The following RASGEF1C variants were observed in gnomAD, a reference collection of about 807,000 sequenced individuals.
The protein encoded by RASGEF1C is RasGEF domain family member 1C.
In RASGEF1C, 27 loss-of-function variants were observed where a neutral mutation model predicts 58.1. The ratio of observed to expected loss-of-function variants is 0.46; its 90% CI spans 0.34 to 0.64. RASGEF1C has a LOEUF of 0.64. Among genes scored for constraint, RASGEF1C ranks in the 30% least tolerant of loss-of-function variants. The probability of loss-of-function intolerance (pLI) is 0.01; values close to 1 mark genes in which losing one functional copy is unlikely to be tolerated. For missense variants in RASGEF1C, 502 were observed against 605.1 expected (o/e 0.83, Z 1.79); for synonymous variants, 243 against 246.3 (o/e 0.99, Z 0.13).
chr5:180,132,315 G>A (rs1349475146), intron 4 of RASGEF1C, among the ~76,000 whole-genome samples: 3 of 152,222 alleles, frequency 2.0e-5, no homozygotes, highest in Non-Finnish European at 2.9e-5. Flanking sequence ...GTGTGAATGC[G>A]GAGTCGTCCG....
chr5:180,111,871 AT>A (rs1157095347), intron 11 of RASGEF1C, among the ~76,000 whole-genome samples: 7 of 152,242 alleles, frequency 4.6e-5, no homozygotes. Context: ...TTAAATAGGT[AT>A]ATTTAAGTAA....
At chr5:180,172,360 T>C (rs1345912838) in intron 1 of RASGEF1C, among the ~76,000 whole-genome samples, 1 of 152,112 alleles carries the variant, frequency 6.6e-6, no homozygotes, top group East Asian at 1.9e-4. Flanking sequence ...CCACCTGGCC[T>C]GGGATGCCCA....
rs941989091 is a variant in RASGEF1C, at chr5:180,168,358, G to A, written c.-6-30300C>T. Among the ~76,000 whole-genome samples the A allele has an allele frequency of 6.6e-6, 1 of 152,066 alleles. No homozygotes were observed. Among genetic ancestry groups the A allele is most frequent in the African/African-American group, 2.4e-5 (1 of 41,384 alleles). On this transcript the variant is annotated intron_variant, in intron 1 of 13. Coordinates refer to ENST00000361132, the MANE Select transcript of RASGEF1C (RefSeq NM_175062.4). This position sits in a 1 kb window ranked among gnomAD's most constrained non-coding sequence, Gnocchi z 6.0. ...TGAGGCAGGAGAATTGCTTGAACCCGGGAGGTGGCGGTTGCCATGAGCCGA... is the reference window on the plus strand; with the variant it reads ...TGAGGCAGGAGAATTGCTTGAACCCAGGAGGTGGCGGTTGCCATGAGCCGA...
rs973594438 is a variant in RASGEF1C, at chr5:180,190,789, C to G, written c.-7+18239G>C. ...ATAAATTGGAGTTAGGTAAAAATTC[C>G]TTAAACACCAAAACATGATTTTAAA... On this transcript the variant is annotated intron_variant, in intron 1 of 13. Coordinates refer to ENST00000361132, the MANE Select transcript of RASGEF1C (RefSeq NM_175062.4). Among the ~76,000 whole-genome samples, 4 of 151,886 alleles carry G rather than the reference C, an allele frequency of 2.6e-5. 1 individual carries two copies. The highest frequency in any genetic ancestry group is 5.9e-5 in the Non-Finnish European group (4 of 67,966).
intron 7 of RASGEF1C, among the ~76,000 whole-genome samples, chr5:180,120,496 C>G (rs1270738564): frequency 6.6e-6 from 1 of 152,128 alleles, no homozygotes; most frequent in African/African-American, 2.4e-5. Flanking sequence ...CCCTGGGCTT[C>G]AGCTCAAGGT....
rs1002816679 is a variant in RASGEF1C at position 180,115,465 on chromosome 5, C to T, written c.1084-924G>A. On this transcript the variant is annotated intron_variant, in intron 10 of 13. Coordinates refer to ENST00000361132, the MANE Select transcript of RASGEF1C (RefSeq NM_175062.4). Reference sequence around the variant, plus strand: ...GCTGCGGGCTGCGTGCAGGCCCCCCCAGACTCTTCACTCCTGACCTCATTG... The same window carrying T: ...GCTGCGGGCTGCGTGCAGGCCCCCCTAGACTCTTCACTCCTGACCTCATTG... The T allele has an allele frequency of 5.0e-5, 14 of 280,612 alleles. 1 individual carries two copies. The Admixed American group carries it at 5.3e-4, about 11-fold the overall frequency. 17.4% of individuals were successfully genotyped at this position (280,612 alleles called of 1,614,324 possible).
chr5:180,144,534 G>T (rs1368630716), intron 1 of RASGEF1C, among the ~76,000 whole-genome samples: 1 of 152,148 alleles, frequency 6.6e-6, no homozygotes. Flanking sequence ...AGCTACTTGG[G>T]AGGCTGAGAT....
At position 180,128,440 on chromosome 5, in the gene RASGEF1C, T is replaced by C. The variant is rs1046483211; in HGVS notation, c.609A>G (p.Thr203=). The C allele has an allele frequency of 6.2e-6, 10 of 1,613,790 alleles. No homozygotes were observed. Among genetic ancestry groups the C allele is most frequent in the Non-Finnish European group, 7.6e-6 (9 of 1,179,976 alleles). The change falls in exon 5 of 14, where the codon ACA becomes ACG. Residue 203 remains threonine (T), a synonymous_variant. Coordinates refer to ENST00000361132, the MANE Select transcript of RASGEF1C (RefSeq NM_175062.4). ...ELLGVCSDPY[T]LAQQLTHVEL... ...CCACGTGGGTCAGCTGCTGGGCCAG[T>C]GTGTAGGGGTCGCTGCAGACACCAA...
At chr5:180,104,620 C>T (rs942582905) in intron 12 of RASGEF1C, among the ~76,000 whole-genome samples, 2 of 152,290 alleles carry the variant, frequency 1.3e-5, no homozygotes, top group Admixed American at 1.3e-4. Context: ...GAGGCTCCCT[C>T]CTCTGCCACT....
Position 180,103,581 on chromosome 5 carries a change from G to C in RASGEF1C, c.1304-1438C>G, listed in dbSNP as rs547280843. On this transcript the variant is annotated intron_variant, in intron 12 of 13. Transcript: ENST00000361132. Reference sequence around the variant, plus strand: ...GCTGAACTCCCTTATTAGTTCTAGGGGTTTTTGTAGATTCTTTGGGATTTT... The same window carrying C: ...GCTGAACTCCCTTATTAGTTCTAGGCGTTTTTGTAGATTCTTTGGGATTTT... 1.6e-4 allele frequency among the ~76,000 whole-genome samples: 24 copies of C among 152,220 alleles called. No individual in the cohort carries two copies. The South Asian group carries it at 4.6e-3, about 29-fold the overall frequency.
intron 12 of RASGEF1C, among the ~76,000 whole-genome samples, chr5:180,103,133 A>T (rs112895808): frequency 2.6e-5 from 4 of 152,266 alleles, no homozygotes; most frequent in South Asian, 2.1e-4. Flanking sequence ...GCTGGAGTGC[A>T]GTGGCGCGAT....
rs540891328 is a variant in RASGEF1C at position 180,190,454 on chromosome 5, C to T, written c.-7+18574G>A. Among the ~76,000 whole-genome samples the T allele has an allele frequency of 2.2e-4, 29 of 133,924 alleles. No individual in the cohort carries two copies. The South Asian group carries it at 6.0e-3, about 28-fold the overall frequency. 87.9% of individuals were successfully genotyped at this position (133,924 alleles called of 152,430 possible). On this transcript the variant is annotated intron_variant, in intron 1 of 13. Transcript: ENST00000361132. ...GCAGTGAGCTGAGATCGCGCCACTG[C>T]ACTCCAGACTGGGTGACAGAGTGAG...
intron 1 of RASGEF1C, among the ~76,000 whole-genome samples, chr5:180,176,750 G>T (rs1030815826): frequency 6.6e-6 from 1 of 152,040 alleles, no homozygotes; most frequent in Non-Finnish European, 1.5e-5. Context: ...TAGAGATGGG[G>T]TTTCACCATG....
At chr5:180,118,305 C>T (rs541997702) in intron 10 of RASGEF1C, among the ~76,000 whole-genome samples, 1 of 152,284 alleles carries the variant, frequency 6.6e-6, no homozygotes, top group African/African-American at 2.4e-5. Flanking sequence ...GCCATGGGGG[C>T]TCTGAAGAAC....
chr5:180,136,321 G>A (rs993175016), intron 4 of RASGEF1C, 57 bp downstream of exon 4: 21 of 1,511,384 alleles, frequency 1.4e-5, no homozygotes, highest in Admixed American at 2.1e-5. Flanking sequence ...CCGGGAACAG[G>A]CGCAGGCCTG....
At chr5:180,174,483 T>C (rs1336780006) in intron 1 of RASGEF1C, among the ~76,000 whole-genome samples, 2 of 56,576 alleles carry the variant, frequency 3.5e-5, no homozygotes, top group African/African-American at 5.2e-5. Flanking sequence ...TGTGTGTCTG[T>C]GTGTGCGCGT....
Position 180,118,619 on chromosome 5 carries a change from C to T in RASGEF1C, c.1073G>A (p.Ser358Asn). 6.2e-7 allele frequency: 1 copy of T among 1,610,976 alleles called. No individual in the cohort carries two copies. Among genetic ancestry groups the T allele is most frequent in the Non-Finnish European group, 8.5e-7 (1 of 1,178,402 alleles). Residue 358 changes from serine to asparagine, a missense_variant, in exon 10 of 14, where the codon AGC becomes AAC. Physicochemically the swap from Ser to Asn is conservative, Grantham distance 46. Coordinates refer to ENST00000361132, the MANE Select transcript of RASGEF1C (RefSeq NM_175062.4). ...AAHRSLTAHS[S>N]REKIVIPFFS... is the part of the protein sequence containing the mutation. ...GTGGCCCCGACCTACCTTCTCTCGG[C>T]TGCTGTGGGCCGTCAGGGAGCGGTG...
At chr5:180,178,824 G>A (rs1344924029) in intron 1 of RASGEF1C, among the ~76,000 whole-genome samples, 2 of 152,012 alleles carry the variant, frequency 1.3e-5, no homozygotes, top group East Asian at 3.9e-4. Context: ...ATGTAAAATG[G>A]GCCTAATGCA....
intron 1 of RASGEF1C, among the ~76,000 whole-genome samples, chr5:180,191,261 A>T (rs1756156462): frequency 6.6e-6 from 1 of 152,248 alleles, no homozygotes; most frequent in African/African-American, 2.4e-5. Flanking sequence ...TGAACCTACC[A>T]TTTAACCTGG....
Sources: allele counts gnomAD v4.1 joint callset (sites outside exome capture counted in the v4.1 genomes callset), GRCh38; gene constraint gnomAD v4.1.1; non-coding constraint Gnocchi (gnomAD v3.1); transcripts MANE v1.5; gene names NCBI Gene and HGNC (gene_info 2026-07-23, HGNC 2026-07-21).